The following PKN3 variants were observed in gnomAD, a reference collection of about 807,000 sequenced individuals.
PKN3 encodes the protein serine/threonine-protein kinase N3.
Under a neutral mutation model 113.1 loss-of-function variants are expected in PKN3, and 91 were observed. The observed-to-expected ratio is 0.80, with a 90% CI of 0.68 to 0.96. The LOEUF (loss-of-function observed/expected upper bound fraction) is 0.96. PKN3 is among the 40% of genes least tolerant of loss of function. The pLI is 0.00. For synonymous variants in PKN3, 467 were observed against 499.0 expected (o/e 0.94, Z 0.85); for missense variants, 1,052 against 1,202.2 (o/e 0.88, Z 1.85).
chr9:128,713,449 G>A (rs369369395), intron 8 of PKN3, 50 bp from the exon 9 acceptor site: 41 of 1,613,062 alleles, frequency 2.5e-5, no homozygotes, highest in Non-Finnish European at 3.5e-5. Context: ...GGCTGCCCAG[G>A]TCGGGGCTCG....
At chr9:128,716,307 A>G (rs1862336282) in intron 15 of PKN3, among the ~76,000 whole-genome samples, 1 of 151,404 alleles carries the variant, frequency 6.6e-6, no homozygotes, top group Admixed American at 6.6e-5. Flanking sequence ...CAAAAAAAAA[A>G]AAAAAAAAGG....
At chr9:128,706,318 G>A (rs910584223) in intron 3 of PKN3, among the ~76,000 whole-genome samples, 1 of 151,242 alleles carries the variant, frequency 6.6e-6, no homozygotes, top group South Asian at 2.1e-4. Flanking sequence ...TCTAATGGGG[G>A]AGGCTTAGCT....
At chr9:128,709,461 A>G (rs950167588) in intron 6 of PKN3, among the ~76,000 whole-genome samples, 3 of 150,420 alleles carry the variant, frequency 2.0e-5, no homozygotes, top group Non-Finnish European at 4.4e-5. Flanking sequence ...TCTCAAAAAA[A>G]AAAAATTAGG....
At chr9:128,716,710 T>A in intron 15 of PKN3, 37 bp from the exon 16 acceptor site, 5 of 1,575,514 alleles carry the variant, frequency 3.2e-6, no homozygotes, top group Non-Finnish European at 4.3e-6. Context: ...CCAGGGAAAG[T>A]TTTCCTTCCC....
rs373607826 is a variant in PKN3 at position 128,719,965 on chromosome 9, A to G, written c.2324A>G (p.Asp775Gly). 3.7e-6 allele frequency: 6 copies of G among 1,613,926 alleles called. No homozygotes were observed. The highest frequency in any genetic ancestry group is 1.3e-5 in the African/African-American group (1 of 74,908). The change falls in exon 20 of 22, where the codon GAC becomes GGC. Residue 775 changes from aspartate to glycine, a missense_variant. Coordinates refer to ENST00000291906, the MANE Select transcript of PKN3 (RefSeq NM_013355.5). ...GTGTTTGACTGCATCGTCAACATGG[A>G]CGCCCCCTACCCCGGCTTTCTGTCG... is the stretch of plus-strand genomic sequence containing the variant. ...EEVFDCIVNM[D>G]APYPGFLSVQ...
chr9:128,713,160 C>G lies in PKN3; in HGVS notation c.944C>G (p.Thr315Ser). 6.2e-7 allele frequency: 1 copy of G among 1,610,762 alleles called. No homozygotes were observed. Among genetic ancestry groups the G allele is most frequent in the Non-Finnish European group, 8.5e-7 (1 of 1,178,028 alleles). Reference sequence around the variant, plus strand: ...AGCCCCTCCGAGGGCTGGCTTCGGACCAAGGCCAAGCACCAGCGTGGCCGA... The same window carrying G: ...AGCCCCTCCGAGGGCTGGCTTCGGAGCAAGGCCAAGCACCAGCGTGGCCGA... ...ASSPSEGWLR[T>S]KAKHQRGRGE... is the part of the protein sequence containing the mutation. Residue 315 changes from threonine to serine, a missense_variant, in exon 7 of 22, where the codon ACC becomes AGC. Coordinates refer to ENST00000291906, the MANE Select transcript of PKN3 (RefSeq NM_013355.5).
chr9:128,715,360 T>C lies in PKN3; in HGVS notation c.1717-9T>C. On this transcript the variant is annotated splice_polypyrimidine_tract_variant and intron_variant, in intron 14 of 21. Coordinates refer to ENST00000291906, the MANE Select transcript of PKN3 (RefSeq NM_013355.5). This position sits in a 1 kb window ranked among gnomAD's most constrained non-coding sequence, Gnocchi z 4.1. The stretch of plus-strand genomic sequence containing the variant: ...GCCCACCTGGAGCACAACCTCTCTC[T>C]GGCCCCAGGTCCTCCTGGTCCAGTT... 1 of 1,613,272 alleles carries C rather than the reference T, an allele frequency of 6.2e-7. No homozygotes were observed. The highest frequency in any genetic ancestry group is 1.6e-4 in the Middle Eastern group (1 of 6,062).
At chr9:128,710,635 G>A (rs1862148886) in intron 6 of PKN3, among the ~76,000 whole-genome samples, 1 of 152,074 alleles carries the variant, frequency 6.6e-6, no homozygotes, top group African/African-American at 2.4e-5. Flanking sequence ...GGGATTACAG[G>A]CCTGCACCAC....
chr9:128,715,377 G>C lies in PKN3; in HGVS notation c.1725G>C (p.Leu575=), dbSNP rs562630191. Residue 575 remains leucine, a synonymous_variant, in exon 15 of 22, where the codon CTG becomes CTC. Coordinates refer to ENST00000291906, the MANE Select transcript of PKN3 (RefSeq NM_013355.5). This position sits in a 1 kb window ranked among gnomAD's most constrained non-coding sequence, Gnocchi z 4.1. ...LGRGHFGKVL[L]VQFKGTGKYY... ...CCTCTCTCTGGCCCCAGGTCCTCCT[G>C]GTCCAGTTCAAGGGGACAGGGAAAT... 1.2e-6 allele frequency: 2 copies of C among 1,613,882 alleles called. No homozygotes were observed. Among genetic ancestry groups the C allele is most frequent in the African/African-American group, 1.3e-5 (1 of 75,016 alleles).
At chr9:128,711,910 TTTTG>T (rs1862188653) in intron 6 of PKN3, among the ~76,000 whole-genome samples, 1 of 30,104 alleles carries the variant, frequency 3.3e-5, no homozygotes, top group African/African-American at 4.0e-5. Context: ...CAAGTTTTTG[TTTTG>T]TTTGTTTTTT....
intron 6 of PKN3, among the ~76,000 whole-genome samples, chr9:128,708,121 C>T (rs554669165): frequency 6.7e-6 from 1 of 149,368 alleles, no homozygotes; most frequent in Admixed American, 6.7e-5. Flanking sequence ...TGGCTCATGC[C>T]TGTAATCCCA....
intron 9 of PKN3, 34 bp from the exon 10 acceptor site, chr9:128,714,012 C>T (rs1473962682): frequency 9.9e-6 from 16 of 1,608,100 alleles, no homozygotes; most frequent in Middle Eastern, 1.7e-4. Flanking sequence ...AGATGGGAGG[C>T]GACTGGTCCA....
chr9:128,714,655 G>A lies in PKN3; in HGVS notation c.1575G>A (p.Glu525=), dbSNP rs1463338558. 2.1e-6 allele frequency: 3 copies of A among 1,440,240 alleles called. No individual in the cohort carries two copies. Among genetic ancestry groups the A allele is most frequent in the Non-Finnish European group, 2.0e-6 (2 of 1,021,936 alleles). The allele number at this position is 1,440,240 out of a possible 1,614,324, so 89.2% of individuals were successfully genotyped here. A position where few individuals can be genotyped will look rare whatever the true frequency, so the allele number is the denominator to read the frequency against. Residue 525 remains glutamate, a synonymous_variant, in exon 12 of 22, where the codon GAG becomes GAA. Transcript: ENST00000291906. ...ACCTCCCCCAGGAGCCAACATCCGA[G>A]GAGACTCCGGTGAGGGGCTGGAGGG... is the stretch of plus-strand genomic sequence containing the variant. The part of the protein sequence containing the change: ...RLYLPQEPTS[E]ETPRTKRPHM...
Position 128,720,046 on chromosome 9 carries a change from T to C in PKN3, c.2376+29T>C, listed in dbSNP as rs201165041. 6.3e-7 allele frequency: 1 copy of C among 1,591,612 alleles called. No homozygotes were observed. The highest frequency in any genetic ancestry group is 2.2e-5 in the East Asian group (1 of 44,740). On this transcript the variant is annotated intron_variant, in intron 20 of 21. Coordinates refer to ENST00000291906, the MANE Select transcript of PKN3 (RefSeq NM_013355.5). This position sits in a 1 kb window ranked among gnomAD's most constrained non-coding sequence, Gnocchi z 5.5. ...AGCACTGCGGGGTCTGGGGCTGGGC[T>C]GGATGGCCGCTCAAGGCCCATGTGC...
In PKN3 at chr9:128,702,716, G is replaced by T. The variant is rs1212030495; in HGVS notation, c.-200G>T. 9 of 485,562 alleles carry T rather than the reference G, an allele frequency of 1.9e-5. No homozygotes were observed. The highest frequency in any genetic ancestry group is 3.2e-5 in the Non-Finnish European group (9 of 279,330). 30.1% of individuals were successfully genotyped at this position (485,562 alleles called of 1,614,324 possible). ...CGCTGGGGCGCGGGACCTCGGGCGT[G>T]GGGTCCCGGGCGCTGGATCGGCGCG... is the stretch of plus-strand genomic sequence containing the variant. On this transcript the variant is annotated 5_prime_UTR_variant, in exon 1 of 22. Transcript: ENST00000291906.
rs10125721 is a variant in PKN3 at position 128,706,425 on chromosome 9, G to A, written c.412-288G>A. Among the ~76,000 whole-genome samples, 638 of 152,182 alleles carry A rather than the reference G, an allele frequency of 4.2e-3. 3 individuals carry two copies. The highest frequency in any genetic ancestry group is 0.015 in the African/African-American group (615 of 41,490). ...ATCTGATGGGGGAGAGTTAGCCCCA[G>A]CCCTGATCTGATGGGGGAGAGTTAG... On this transcript the variant is annotated intron_variant, in intron 3 of 21. Coordinates refer to ENST00000291906, the MANE Select transcript of PKN3 (RefSeq NM_013355.5).
intron 1 of PKN3, among the ~76,000 whole-genome samples, chr9:128,704,754 A>G (rs1305468501): frequency 2.6e-5 from 4 of 152,092 alleles, no homozygotes; most frequent in African/African-American, 9.7e-5. Context: ...CCCCGTCCCT[A>G]CTAAAAATAC....
rs150632421 is a variant in PKN3, at chr9:128,714,219, G to T, written c.1335G>T (p.Ser445=). 1.2e-6 allele frequency: 2 copies of T among 1,613,998 alleles called. No homozygotes were observed. The highest frequency in any genetic ancestry group is 2.2e-5 in the South Asian group (2 of 91,084). ...CAGGCCAGGACTTCCTGAGGGCTTC[G>T]CAGATGAACCTCGGCATGGCGGCCT... ...KRRGQDFLRA[S]QMNLGMAAWG... is the part of the protein sequence containing the mutation. Residue 445 remains serine (S), a synonymous_variant, in exon 11 of 22, where the codon TCG becomes TCT. Coordinates refer to ENST00000291906, the MANE Select transcript of PKN3 (RefSeq NM_013355.5).
chr9:128,706,293 T>C (rs990468079), intron 3 of PKN3, among the ~76,000 whole-genome samples: 3 of 143,358 alleles, frequency 2.1e-5, no homozygotes, highest in African/African-American at 7.9e-5. Context: ...AGGCTTAGCT[T>C]AGCCCCTGCC....
Sources: gnomAD v4.1 joint callset for allele counts (sites outside exome capture counted in the v4.1 genomes callset) on GRCh38, gnomAD v4.1.1 for gene constraint, Gnocchi (gnomAD v3.1) non-coding constraint, MANE v1.5 for transcripts, NCBI Gene and HGNC (gene_info 2026-07-23, HGNC 2026-07-21) for gene names.